Variants in ANKFN1 observed in about 807,000 individuals in gnomAD.
The protein encoded by ANKFN1 is ankyrin repeat and fibronectin type-III domain-containing protein 1.
A neutral mutation model predicts 108.7 loss-of-function variants in ANKFN1; 74 were observed. The observed-to-expected ratio is 0.68, with a 90% CI of 0.56 to 0.83. The LOEUF is 0.83. Ranked by LOEUF, ANKFN1 falls within the 40% of genes least tolerant of loss-of-function variation. The pLI, the probability that ANKFN1 is intolerant of heterozygous loss-of-function variation, is 0.00. For synonymous variants in ANKFN1, 547 were observed against 516.2 expected (o/e 1.06, Z -0.81); for missense variants, 1,505 against 1,382.3 (o/e 1.09, Z -1.41).
intron 18 of ANKFN1, among the ~76,000 whole-genome samples, chr17:56,488,091 A>G (rs2050911465): frequency 6.6e-6 from 1 of 152,238 alleles, no homozygotes; most frequent in South Asian, 2.1e-4. Flanking sequence ...GATTTTAAGA[A>G]AAGGGATGAT....
At chr17:56,094,182 A>G (rs1905472376) in intron 4 of ANKFN1, among the ~76,000 whole-genome samples, 3 of 151,100 alleles carry the variant, frequency 2.0e-5, no homozygotes, top group Admixed American at 2.0e-4. Flanking sequence ...AGCCCTCAGA[A>G]GGAACCAACC....
At chr17:56,267,774 T>C (rs1489768660) in intron 3 of ANKFN1, among the ~76,000 whole-genome samples, 1 of 152,184 alleles carries the variant, frequency 6.6e-6, no homozygotes, top group African/African-American at 2.4e-5. Flanking sequence ...TGTACCAGTA[T>C]CATGCTGTGT....
rs575591932 is a variant in ANKFN1 at position 56,106,669 on chromosome 17, A to G, written c.288+60344A>G. Among the ~76,000 whole-genome samples, 4 of 152,314 alleles carry G rather than the reference A, an allele frequency of 2.6e-5. No homozygotes were observed. The East Asian group carries it at 7.7e-4, about 29-fold the overall frequency. On this transcript the variant is annotated intron_variant, in intron 4 of 12. Transcript: ENST00000635860. ...TGGCAAGTATTTACCTTTTCTGGGA[A>G]GTATTTCCCTCATCTTCTCACTTGG...
chr17:56,192,171 A>G (rs1913001678), intron 1 of ANKFN1, among the ~76,000 whole-genome samples: 1 of 151,140 alleles, frequency 6.6e-6, no homozygotes, highest in African/African-American at 2.4e-5. Flanking sequence ...TATTTAATAA[A>G]TGGTGCTGGG....
At chr17:56,408,146 G>A (rs1258239474) in intron 8 of ANKFN1, among the ~76,000 whole-genome samples, 1 of 151,852 alleles carries the variant, frequency 6.6e-6, no homozygotes, top group Non-Finnish European at 1.5e-5. Context: ...TGTTGGCCAG[G>A]TTGGTCTTGA....
intron 10 of ANKFN1, among the ~76,000 whole-genome samples, chr17:56,445,509 G>A (rs2049256362): frequency 6.6e-6 from 1 of 152,158 alleles, no homozygotes. Flanking sequence ...GGGATAACTG[G>A]CAAAGAACTG....
intron 15 of ANKFN1, among the ~76,000 whole-genome samples, chr17:56,474,939 GTGATC>G (rs975623195): frequency 1.4e-4 from 21 of 152,092 alleles, no homozygotes; most frequent in Non-Finnish European, 5.9e-5. Flanking sequence ...TTTTGGCCAA[GTGATC>G]TTTTAAAAAA....
At chr17:56,227,327 C>T (rs1916357477) in intron 2 of ANKFN1, among the ~76,000 whole-genome samples, 3 of 152,022 alleles carry the variant, frequency 2.0e-5, no homozygotes, top group African/African-American at 7.2e-5. Context: ...TCTAATTGTC[C>T]CTCCCCTTTT....
At chr17:56,330,557 T>G (rs2144561571) in intron 4 of ANKFN1, among the ~76,000 whole-genome samples, 1 of 152,316 alleles carries the variant, frequency 6.6e-6, no homozygotes, top group Middle Eastern at 3.4e-3. Flanking sequence ...TTTGCATAAC[T>G]GACTTCCTTT....
intron 4 of ANKFN1, among the ~76,000 whole-genome samples, chr17:56,049,966 C>T (rs901586099): frequency 4.4e-4 from 67 of 152,312 alleles, no homozygotes; most frequent in Admixed American, 2.8e-3. Context: ...GGAATCGCCA[C>T]ACTGACTTCC....
chr17:56,051,318 C>T, intron 4 of ANKFN1, among the ~76,000 whole-genome samples: 1 of 115,542 alleles, frequency 8.7e-6, no homozygotes, highest in Admixed American at 9.5e-5. Context: ...AGACAAAAAC[C>T]ACATGATTAT....
chr17:56,160,802 A>C (rs1909585061), intron 1 of ANKFN1, among the ~76,000 whole-genome samples: 1 of 152,330 alleles, frequency 6.6e-6, no homozygotes, highest in South Asian at 2.1e-4. Context: ...GCCAAAGCTC[A>C]CACCCTCCAG....
At chr17:56,320,781 A>G (rs1358593228) in intron 3 of ANKFN1, among the ~76,000 whole-genome samples, 1 of 152,180 alleles carries the variant, frequency 6.6e-6, no homozygotes, top group Non-Finnish European at 1.5e-5. Context: ...CTCCTTTAAG[A>G]GAATCCCGTT....
At chr17:56,277,770 C>T (rs931593122) in intron 3 of ANKFN1, among the ~76,000 whole-genome samples, 1 of 152,100 alleles carries the variant, frequency 6.6e-6, no homozygotes. Context: ...TTTTTAGCCC[C>T]AAATTGTACA....
At chr17:56,130,760 CCT>C (rs920461694) in intron 4 of ANKFN1, among the ~76,000 whole-genome samples, 2 of 152,058 alleles carry the variant, frequency 1.3e-5, no homozygotes, top group African/African-American at 4.8e-5. Context: ...GGAGATGCAG[CCT>C]GAGAGTGTAT....
intron 3 of ANKFN1, among the ~76,000 whole-genome samples, chr17:56,250,258 A>G (rs1157594751): frequency 1.3e-5 from 2 of 152,158 alleles, no homozygotes; most frequent in Non-Finnish European, 2.9e-5. Flanking sequence ...CCTCTCGTAT[A>G]TTTTGTCCAC....
intron 6 of ANKFN1, among the ~76,000 whole-genome samples, chr17:56,359,845 C>T (rs1230880403): frequency 6.6e-6 from 1 of 152,178 alleles, no homozygotes; most frequent in East Asian, 1.9e-4. Context: ...ACATGGTCCT[C>T]CTGGGAGACC....
rs372459486 is a variant in ANKFN1, at chr17:56,074,180, A to G, written c.288+27855A>G. ...GAGTAGCTTCCTCTCTGGATAAAATATGCAGGGATTTTAGTGGCATGTGAG... is the reference window on the plus strand; with the variant it reads ...GAGTAGCTTCCTCTCTGGATAAAATGTGCAGGGATTTTAGTGGCATGTGAG... On this transcript the variant is annotated intron_variant, in intron 4 of 12. Coordinates refer to the ANKFN1 transcript ENST00000635860. 2.6e-4 allele frequency among the ~76,000 whole-genome samples: 39 copies of G among 152,324 alleles called. No individual in the cohort carries two copies. In the East Asian group the frequency reaches 5.2e-3, roughly 20 times the overall value.
At chr17:56,416,210 A>G (rs970533634) in intron 8 of ANKFN1, among the ~76,000 whole-genome samples, 12 of 152,164 alleles carry the variant, frequency 7.9e-5, no homozygotes, top group Non-Finnish European at 1.3e-4. Context: ...AAATTCTCAA[A>G]TGGGATTACA....
Sources: gnomAD v4.1 joint callset for allele counts (sites outside exome capture counted in the v4.1 genomes callset) on GRCh38, gnomAD v4.1.1 for gene constraint, MANE v1.5 for transcripts, NCBI Gene and HGNC (gene_info 2026-07-23, HGNC 2026-07-21) for gene names.